The following ROBO1 variants were observed in gnomAD, a reference collection of about 807,000 sequenced individuals.
The protein encoded by ROBO1 is roundabout homolog 1.
In ROBO1, 149 loss-of-function variants were observed where a neutral mutation model predicts 195.9. The ratio of observed to expected loss-of-function variants is 0.76; its 90% CI spans 0.67 to 0.87. The LOEUF (loss-of-function observed/expected upper bound fraction) is 0.87. ROBO1 is among the 40% of genes least tolerant of loss of function. The pLI is 0.00. For synonymous variants in ROBO1, 816 were observed against 733.2 expected (o/e 1.11, Z -1.82); for missense variants, 1,933 against 2,068.3 (o/e 0.93, Z 1.27).
intron 2 of ROBO1, among the ~76,000 whole-genome samples, chr3:79,544,673 TA>T (rs1341266380): frequency 6.6e-6 from 1 of 152,018 alleles, no homozygotes; most frequent in Non-Finnish European, 1.5e-5. Flanking sequence ...TTTTTCTGAT[TA>T]AAAGTCTTCC....
At chr3:78,891,977 G>A (rs1028275256) in intron 4 of ROBO1, among the ~76,000 whole-genome samples, 4 of 152,182 alleles carry the variant, frequency 2.6e-5, no homozygotes, top group African/African-American at 9.7e-5. Flanking sequence ...TGGAATGATG[G>A]ACATGTTCTA....
chr3:79,664,170 TCCTCTATTAGTCTGGAA>T (rs2106850180), intron 1 of ROBO1, among the ~76,000 whole-genome samples: 1 of 152,200 alleles, frequency 6.6e-6, no homozygotes, highest in East Asian at 1.9e-4. Flanking sequence ...AATGTGTCTT[TCCTCTATTAGTCTGGAA>T]ATTGCTAGGG....
chr3:79,742,537 A>ACTATGTG (rs2107432356), intron 1 of ROBO1, among the ~76,000 whole-genome samples: 1 of 152,064 alleles, frequency 6.6e-6, no homozygotes, highest in South Asian at 2.1e-4. Context: ...TGGCCATATG[A>ACTATGTG]CTATGTGCTA....
chr3:79,493,411 A>G (rs4586771), intron 2 of ROBO1, among the ~76,000 whole-genome samples: 46,518 of 151,842 alleles, frequency 0.31, 7,368 homozygotes, highest in Non-Finnish European at 0.35. Flanking sequence ...AAAATGATTC[A>G]TTTATTTAAC....
At chr3:79,234,993 A>G (rs2082382949) in intron 2 of ROBO1, among the ~76,000 whole-genome samples, 1 of 152,102 alleles carries the variant, frequency 6.6e-6, no homozygotes, top group South Asian at 2.1e-4. Context: ...AAATTATTGG[A>G]AAAAAATACA....
chr3:78,864,717 T>C (rs1419147675), intron 4 of ROBO1, among the ~76,000 whole-genome samples: 8 of 152,038 alleles, frequency 5.3e-5, no homozygotes, highest in Non-Finnish European at 1.0e-4. Context: ...TATATACACA[T>C]GTGTGTATAT....
At chr3:78,821,756 A>G (rs2030993665) in intron 4 of ROBO1, among the ~76,000 whole-genome samples, 1 of 152,172 alleles carries the variant, frequency 6.6e-6, no homozygotes, top group African/African-American at 2.4e-5. Flanking sequence ...AATTCAATTA[A>G]ATTTCACATA....
intron 10 of ROBO1, among the ~76,000 whole-genome samples, chr3:78,684,611 A>C (rs2081009862): frequency 6.6e-6 from 1 of 152,106 alleles, no homozygotes; most frequent in Non-Finnish European, 1.5e-5. Context: ...GAAGACCAGA[A>C]ACAGGATGGA....
At chr3:79,118,472 A>C (rs1435018323) in intron 3 of ROBO1, among the ~76,000 whole-genome samples, 1 of 152,076 alleles carries the variant, frequency 6.6e-6, no homozygotes, top group East Asian at 1.9e-4. Flanking sequence ...TACCTTATGG[A>C]TGTTGGCATA....
intron 1 of ROBO1, among the ~76,000 whole-genome samples, chr3:79,743,230 A>G (rs1703724348): frequency 6.6e-6 from 1 of 152,214 alleles, no homozygotes; most frequent in African/African-American, 2.4e-5. Flanking sequence ...GAGCTATAGA[A>G]CATACCCTAT....
At chr3:79,749,798 T>C (rs766070807) in intron 1 of ROBO1, among the ~76,000 whole-genome samples, 3 of 152,146 alleles carry the variant, frequency 2.0e-5, no homozygotes, top group African/African-American at 7.2e-5. Context: ...AATGCCTGGA[T>C]ACCCAGGCAG....
At chr3:79,727,552 T>G (rs1259880500) in intron 1 of ROBO1, among the ~76,000 whole-genome samples, 1 of 152,212 alleles carries the variant, frequency 6.6e-6, no homozygotes, top group African/African-American at 2.4e-5. Flanking sequence ...AAATACCCAC[T>G]TTGTGAATTG....
chr3:79,673,842 C>A (rs1156773114), intron 1 of ROBO1, among the ~76,000 whole-genome samples: 1 of 151,962 alleles, frequency 6.6e-6, no homozygotes, highest in Admixed American at 6.6e-5. Flanking sequence ...CCACTCGCTG[C>A]AGTCTATGGG....
intron 3 of ROBO1, among the ~76,000 whole-genome samples, chr3:78,956,992 C>A (rs1305651216): frequency 6.6e-6 from 1 of 152,060 alleles, no homozygotes; most frequent in Non-Finnish European, 1.5e-5. Flanking sequence ...AAAGAAGAGA[C>A]ACAGAAGAAA....
intron 2 of ROBO1, among the ~76,000 whole-genome samples, chr3:79,138,579 CA>C (rs1372988273): frequency 1.3e-5 from 2 of 151,880 alleles, no homozygotes; most frequent in African/African-American, 4.8e-5. Flanking sequence ...GTTATGCACA[CA>C]TTTGGAAATA....
chr3:79,747,295 T>C (rs1703920209), intron 1 of ROBO1, among the ~76,000 whole-genome samples: 1 of 152,016 alleles, frequency 6.6e-6, no homozygotes, highest in African/African-American at 2.4e-5. Context: ...ATACCAGGAC[T>C]CCAACAAGGA....
intron 28 of ROBO1, among the ~76,000 whole-genome samples, chr3:78,608,756 T>C: frequency 6.6e-6 from 1 of 151,740 alleles, no homozygotes; most frequent in South Asian, 2.1e-4. Flanking sequence ...GGCAGAAAAA[T>C]CAATATTATT....
intron 2 of ROBO1, among the ~76,000 whole-genome samples, chr3:79,372,561 GCT>G (rs547154121): frequency 2.6e-5 from 4 of 151,016 alleles, no homozygotes; most frequent in Admixed American, 6.6e-5. Flanking sequence ...ATGCTCACGT[GCT>G]CTCTCTCTCT....
chr3:79,286,186 T>C (rs1249288365), intron 2 of ROBO1, among the ~76,000 whole-genome samples: 1 of 152,180 alleles, frequency 6.6e-6, no homozygotes, highest in Non-Finnish European at 1.5e-5. Context: ...CACTAATATT[T>C]TTCTGAAAAA....
Sources: allele counts gnomAD v4.1 joint callset (sites outside exome capture counted in the v4.1 genomes callset), GRCh38; gene constraint gnomAD v4.1.1; transcripts MANE v1.5; gene names NCBI Gene and HGNC (gene_info 2026-07-23, HGNC 2026-07-21).